MYO9A: variants seen among roughly 807,000 people sequenced by gnomAD.
MYO9A encodes myosin IXA.
MYO9A carries 103 observed loss-of-function variants against 293.3 expected under a neutral mutation model. The observed-to-expected ratio is 0.35, with a 90% CI of 0.30 to 0.41. The LOEUF (loss-of-function observed/expected upper bound fraction) is 0.41. Ranked by LOEUF, MYO9A falls within the 10% of genes least tolerant of loss-of-function variation. The pLI is 1.00. For missense variants in MYO9A, 2,685 were observed against 3,033.0 expected (o/e 0.89, Z 2.69); for synonymous variants, 1,001 against 1,035.7 (o/e 0.97, Z 0.64).
chr15:71,949,428 T>G lies in MYO9A; in HGVS notation c.2302+2349A>C, dbSNP rs532870397. Among the ~76,000 whole-genome samples, 4 of 151,906 alleles carry G rather than the reference T, an allele frequency of 2.6e-5. No homozygotes were observed. In the East Asian group the frequency reaches 7.7e-4, roughly 29 times the overall value. ...TATGCTGGGTGTTTTTTTGTTTTTTTTTTTTTTAACCAAATAAGGGATGTT... is the reference window on the plus strand; with the variant it reads ...TATGCTGGGTGTTTTTTTGTTTTTTGTTTTTTTAACCAAATAAGGGATGTT... On this transcript the variant is annotated intron_variant, in intron 15 of 41. Transcript: ENST00000356056.
intron 1 of MYO9A, among the ~76,000 whole-genome samples, chr15:72,093,339 G>A (rs997879704): frequency 1.3e-5 from 2 of 151,482 alleles, no homozygotes; most frequent in Non-Finnish European, 2.9e-5. Flanking sequence ...ACCAGCCTGG[G>A]CAACATAGTG....
chr15:71,979,600 T>C (rs905621770), intron 11 of MYO9A, among the ~76,000 whole-genome samples: 2 of 152,246 alleles, frequency 1.3e-5, no homozygotes, highest in Non-Finnish European at 2.9e-5. Context: ...TTGTTGGATG[T>C]ACCTGAAGTT....
In MYO9A at chr15:71,898,952, A is replaced by G. The variant is rs1416410088; in HGVS notation, c.3551T>C (p.Leu1184Pro). Residue 1184 changes from leucine to proline, a missense_variant, in exon 25 of 42, where the codon CTG becomes CCG. Around this residue, in one of 10 missense-constraint regions of MYO9A, gnomAD observed 1,434 missense variants for 1,497.7 expected, o/e 0.96. Transcript: ENST00000356056. ...TGAAGGGTCTGAACCCTGAATTTCC[A>G]GAGATCCATATCCCTTAATATTCAC... ...GLVNIKGYGSLEIQGSDPSGW... is the reference protein window; with the variant it reads ...GLVNIKGYGSPEIQGSDPSGW... 1 of 1,614,000 alleles carries G rather than the reference A, an allele frequency of 6.2e-7. No individual in the cohort carries two copies. Among genetic ancestry groups the G allele is most frequent in the Non-Finnish European group, 8.5e-7 (1 of 1,179,884 alleles).
At chr15:72,101,576 G>A (rs1452895043) in intron 1 of MYO9A, among the ~76,000 whole-genome samples, 60 of 123,448 alleles carry the variant, frequency 4.9e-4, no homozygotes, top group African/African-American at 1.8e-3. Context: ...GCCTCTGCCC[G>A]GCCGCCCCTA....
chr15:71,859,527 T>C (rs1317064596), intron 34 of MYO9A, among the ~76,000 whole-genome samples: 1 of 152,222 alleles, frequency 6.6e-6, no homozygotes, highest in Non-Finnish European at 1.5e-5. Context: ...GGTAAAATAA[T>C]TCTATGAAAA....
chr15:71,892,870 T>TA (rs1414713581), intron 26 of MYO9A: 1 of 775,782 alleles, frequency 1.3e-6, no homozygotes, highest in Non-Finnish European at 1.8e-6. Context: ...CACAAACCAT[T>TA]ACATGGGAAG....
At chr15:71,970,769 A>G (rs1412633755) in intron 12 of MYO9A, among the ~76,000 whole-genome samples, 1 of 152,214 alleles carries the variant, frequency 6.6e-6, no homozygotes, top group Non-Finnish European at 1.5e-5. Flanking sequence ...AGCTCTAATA[A>G]TTATAAAGTT....
chr15:71,852,964 G>T (rs1432519011), intron 35 of MYO9A, among the ~76,000 whole-genome samples: 1 of 152,158 alleles, frequency 6.6e-6, no homozygotes, highest in Admixed American at 6.5e-5. Context: ...GGGTGTGGTG[G>T]CACACGCCTA....
chr15:71,894,140 C>G (rs1174217026), intron 25 of MYO9A, among the ~76,000 whole-genome samples: 1 of 152,158 alleles, frequency 6.6e-6, no homozygotes, highest in Non-Finnish European at 1.5e-5. Flanking sequence ...GCCTTTCCAT[C>G]TAATCATTAT....
chr15:71,889,101 G>T (rs926846515), intron 26 of MYO9A, among the ~76,000 whole-genome samples: 4 of 152,180 alleles, frequency 2.6e-5, no homozygotes, highest in Non-Finnish European at 5.9e-5. Flanking sequence ...AGTCCAAGGT[G>T]AGCACAGTGA....
At chr15:72,080,791 C>T (rs1191934609) in intron 1 of MYO9A, among the ~76,000 whole-genome samples, 1 of 152,040 alleles carries the variant, frequency 6.6e-6, no homozygotes, top group Admixed American at 6.6e-5. Context: ...TTAGCTTCCA[C>T]TTATGAGTAA....
At chr15:72,042,991 G>C (rs1440445697) in intron 2 of MYO9A, among the ~76,000 whole-genome samples, 1 of 151,926 alleles carries the variant, frequency 6.6e-6, no homozygotes, top group Non-Finnish European at 1.5e-5. Flanking sequence ...GATCACTCGA[G>C]CCTGGAGATC....
At position 71,987,274 on chromosome 15, in the gene MYO9A, CAT is replaced by C. The variant is rs561324145; in HGVS notation, c.1722+3827_1722+3828del. Among the ~76,000 whole-genome samples, 9 of 152,302 alleles carry C rather than the reference CAT, an allele frequency of 5.9e-5. No individual in the cohort carries two copies. In the South Asian group the frequency reaches 1.9e-3, roughly 32 times the overall value. ...AACATATCCTCATCATTAAGTGACA[CAT>C]GACAGTACTTCAACTAGTTCATAGA... On this transcript the variant is annotated intron_variant, in intron 11 of 41. Transcript: ENST00000356056.
chr15:71,900,857 T>C (rs1470971790), intron 23 of MYO9A, among the ~76,000 whole-genome samples: 2 of 152,162 alleles, frequency 1.3e-5, no homozygotes, highest in Non-Finnish European at 1.5e-5. Flanking sequence ...ACGGTATATA[T>C]ACAACTCTCA....
intron 6 of MYO9A, among the ~76,000 whole-genome samples, chr15:72,011,336 C>T (rs2077168293): frequency 6.6e-6 from 1 of 150,672 alleles, no homozygotes; most frequent in Non-Finnish European, 1.5e-5. Context: ...TAGATATATA[C>T]ATATATAATT....
intron 7 of MYO9A, among the ~76,000 whole-genome samples, chr15:72,008,966 G>A (rs2077097023): frequency 6.6e-6 from 1 of 152,072 alleles, no homozygotes; most frequent in Non-Finnish European, 1.5e-5. Flanking sequence ...ATTACCTTAG[G>A]AACATTTGAG....
chr15:72,101,296 T>G (rs2080304666), intron 1 of MYO9A, among the ~76,000 whole-genome samples: 1 of 116,126 alleles, frequency 8.6e-6, no homozygotes, highest in African/African-American at 3.3e-5. Context: ...GGAGGTGGGT[T>G]CAGCCCCCCG....
At chr15:71,849,746 A>C (rs2055554590) in intron 38 of MYO9A, among the ~76,000 whole-genome samples, 1 of 151,856 alleles carries the variant, frequency 6.6e-6, no homozygotes, top group East Asian at 1.9e-4. Context: ...GATTACAGGA[A>C]GATACTAAGT....
At chr15:72,021,284 C>T (rs2077496131) in intron 4 of MYO9A, among the ~76,000 whole-genome samples, 1 of 152,160 alleles carries the variant, frequency 6.6e-6, no homozygotes, top group African/African-American at 2.4e-5. Context: ...AATGAGAAAT[C>T]TGGCAAATCT....
Sources: allele counts gnomAD v4.1 joint callset (sites outside exome capture counted in the v4.1 genomes callset), GRCh38; gene constraint gnomAD v4.1.1; regional missense constraint gnomAD v4.1.1; transcripts MANE v1.5; gene names NCBI Gene and HGNC (gene_info 2026-07-23, HGNC 2026-07-21).